GNG7: variants seen among roughly 807,000 people sequenced by gnomAD.
GNG7 encodes the protein G protein subunit gamma 7, also known as guanine nucleotide-binding protein G(I)/G(S)/G(O) subunit gamma-7.
GNG7 carries 1 observed loss-of-function variant against 4.0 expected under a neutral mutation model. The ratio of observed to expected loss-of-function variants is 0.25; its 90% CI spans 0.09 to 1.18. The LOEUF is 1.18. GNG7 is among the 50% of genes most tolerant of loss of function. GNG7 has a pLI of 0.50. For missense variants in GNG7, 86 were observed against 91.9 expected, an observed-to-expected ratio of 0.94 and a Z score of 0.26; for synonymous variants, 34 against 36.9, an observed-to-expected ratio of 0.92 and a Z score of 0.29.
intron 2 of GNG7, among the ~76,000 whole-genome samples, chr19:2,608,230 C>A (rs78125500): frequency 6.6e-6 from 1 of 151,526 alleles, no homozygotes; most frequent in Non-Finnish European, 1.5e-5. Context: ...AGGAAAAGAG[C>A]GGGGATGTCT....
chr19:2,638,006 C>T (rs1317525837), intron 2 of GNG7, among the ~76,000 whole-genome samples: 1 of 152,040 alleles, frequency 6.6e-6, no homozygotes, highest in Admixed American at 6.6e-5. Flanking sequence ...CCCTGATTTA[C>T]ACCATCTGCC....
chr19:2,582,608 A>T (rs62123671), intron 2 of GNG7, among the ~76,000 whole-genome samples: 55,785 of 149,980 alleles, frequency 0.37, 12,061 homozygotes, highest in African/African-American at 0.59. Context: ...TCCACCTTCC[A>T]AGTAGCTGGG....
At chr19:2,525,598 A>G (rs1424348469) in intron 3 of GNG7, among the ~76,000 whole-genome samples, 5 of 152,148 alleles carry the variant, frequency 3.3e-5, no homozygotes, top group African/African-American at 1.2e-4. Context: ...AGTGCACAGA[A>G]GGGCTGAACA....
At position 2,602,972 on chromosome 19, in the gene GNG7, TTCTC is replaced by T. The variant is rs928614256; in HGVS notation, c.-78+43248_-78+43251del. 3.8e-3 allele frequency among the ~76,000 whole-genome samples: 556 copies of T among 148,042 alleles called. 2 individuals are homozygous for T. Among genetic ancestry groups the T allele is most frequent in the African/African-American group, 0.014 (522 of 37,884 alleles). ...CTTTCTTTTCTTTCTCTTTCTTTCT[TTCTC>T]TCTCTCTTTCCTTCCTTCCTTTCTT... On this transcript the variant is annotated intron_variant, in intron 2 of 4. Transcript: ENST00000382159.
intron 1 of GNG7, among the ~76,000 whole-genome samples, chr19:2,652,970 T>C (rs1982870055): frequency 6.6e-6 from 1 of 151,428 alleles, no homozygotes; most frequent in Non-Finnish European, 1.5e-5. Context: ...CTACAAAAAA[T>C]TTAAAAATTT....
chr19:2,616,399 C>T (rs112081081), intron 2 of GNG7, among the ~76,000 whole-genome samples: 1 of 151,982 alleles, frequency 6.6e-6, no homozygotes, highest in African/African-American at 2.4e-5. Flanking sequence ...CGTGTGCCAC[C>T]GTGCCCAGCT....
intron 2 of GNG7, among the ~76,000 whole-genome samples, chr19:2,608,853 G>C (rs1244153801): frequency 6.6e-6 from 1 of 152,208 alleles, no homozygotes; most frequent in East Asian, 1.9e-4. Context: ...GCCAAAATCA[G>C]TGTGCCTTCT....
chr19:2,697,607 C>T (rs186366335), intron 1 of GNG7, among the ~76,000 whole-genome samples: 22 of 152,158 alleles, frequency 1.4e-4, no homozygotes, highest in African/African-American at 4.1e-4. Context: ...TGTCAACGAG[C>T]GGGGAGAGGC....
rs1421883737 is a variant in GNG7 at position 2,551,589 on chromosome 19, G to GTATTTATAAATAAATAAA, written c.-38+3559_-38+3560insTTTATTTATTTATAAATA. 2.1e-5 allele frequency among the ~76,000 whole-genome samples: 3 copies of GTATTTATAAATAAATAAA among 145,750 alleles called. 1 individual carries two copies. The highest frequency in any genetic ancestry group is 4.5e-5 in the Non-Finnish European group (3 of 66,342). On this transcript the variant is annotated intron_variant, in intron 3 of 4. Coordinates refer to ENST00000382159, the MANE Select transcript of GNG7 (RefSeq NM_052847.3). ...TCTATTATCTATAATATATAAATAT[G>GTATTTATAAATAAATAAA]CATTTATAAATATATAAACAAATAT... is the stretch of plus-strand genomic sequence containing the variant.
At chr19:2,657,362 ATATATATATAT>A (rs1462975237) in intron 1 of GNG7, among the ~76,000 whole-genome samples, 177 of 10,744 alleles carry the variant, frequency 0.016, 18 homozygotes, top group Non-Finnish European at 0.022. Flanking sequence ...AAAAAAAAAA[ATATATATATAT>A]ATATATATAT....
At chr19:2,591,494 G>A (rs1443575722) in intron 2 of GNG7, among the ~76,000 whole-genome samples, 2 of 144,006 alleles carry the variant, frequency 1.4e-5, no homozygotes, top group East Asian at 4.0e-4. Flanking sequence ...GATTATAGGG[G>A]ACTGAGTGTG....
intron 4 of GNG7, among the ~76,000 whole-genome samples, chr19:2,517,565 A>G (rs1260464312): frequency 6.6e-6 from 1 of 151,962 alleles, no homozygotes; most frequent in African/African-American, 2.4e-5. Flanking sequence ...GGGTTTCACC[A>G]TGTTGGCCAG....
At chr19:2,525,580 G>A (rs112893475) in intron 3 of GNG7, among the ~76,000 whole-genome samples, 1 of 152,048 alleles carries the variant, frequency 6.6e-6, no homozygotes, top group African/African-American at 2.4e-5. Flanking sequence ...GATCAGACAC[G>A]AGGCTCCAGT....
intron 2 of GNG7, among the ~76,000 whole-genome samples, chr19:2,601,860 T>C (rs1692949626): frequency 6.6e-6 from 1 of 151,662 alleles, no homozygotes; most frequent in South Asian, 2.1e-4. Context: ...TATGATTTCA[T>C]CACTGCACTT....
chr19:2,657,397 T>TACAC (rs1386656692), intron 1 of GNG7, among the ~76,000 whole-genome samples: 4 of 82,716 alleles, frequency 4.8e-5, no homozygotes, highest in African/African-American at 1.0e-4. Context: ...TATATATATA[T>TACAC]ATACACATAA....
rs978646931 is a variant in GNG7, at chr19:2,546,155, C to T, written c.-38+8994G>A. On this transcript the variant is annotated intron_variant, in intron 3 of 4. Coordinates refer to ENST00000382159, the MANE Select transcript of GNG7 (RefSeq NM_052847.3). The surrounding 1 kb of genome is among the most constrained non-coding windows in gnomAD (Gnocchi z 6.3). ...CCAAAGAGGGGACCCACGCAGAGCC[C>T]GGGGAGCCCGACTGAAATGGAAACT... Among the ~76,000 whole-genome samples, 8 of 152,170 alleles carry T rather than the reference C, an allele frequency of 5.3e-5. No individual in the cohort carries two copies. Among genetic ancestry groups the T allele is most frequent in the African/African-American group, 9.7e-5 (4 of 41,440 alleles).
At chr19:2,685,506 T>G (rs1425919636) in intron 1 of GNG7, among the ~76,000 whole-genome samples, 2 of 151,826 alleles carry the variant, frequency 1.3e-5, no homozygotes, top group African/African-American at 4.8e-5. Flanking sequence ...GCACCTGTGG[T>G]CCCAGCTACT....
chr19:2,663,945 C>A (rs1983240688), intron 1 of GNG7, among the ~76,000 whole-genome samples: 1 of 152,168 alleles, frequency 6.6e-6, no homozygotes, highest in Admixed American at 6.5e-5. Flanking sequence ...GCCAGGAGCA[C>A]CCCCAAGTCA....
chr19:2,542,515 A>G (rs184145758), intron 3 of GNG7, among the ~76,000 whole-genome samples: 1 of 152,314 alleles, frequency 6.6e-6, no homozygotes, highest in East Asian at 1.9e-4. Context: ...GAATTCAGGA[A>G]GAACCTGAAT....
Sources: allele counts gnomAD v4.1 joint callset (sites outside exome capture counted in the v4.1 genomes callset), GRCh38; gene constraint gnomAD v4.1.1; non-coding constraint Gnocchi (gnomAD v3.1); transcripts MANE v1.5; gene names NCBI Gene and HGNC (gene_info 2026-07-23, HGNC 2026-07-21).